The following DNM2 variants were observed in gnomAD, a reference collection of about 807,000 sequenced individuals.
The protein encoded by DNM2 is dynamin 2.
Under a neutral mutation model 99.0 loss-of-function variants are expected in DNM2, and 15 were observed. The observed-to-expected ratio is 0.15, with a 90% CI of 0.10 to 0.23. DNM2 has a LOEUF of 0.23. DNM2 is among the 10% of genes least tolerant of loss of function. DNM2 has a pLI of 1.00. For synonymous variants in DNM2, 525 were observed against 481.2 expected, an observed-to-expected ratio of 1.09 and a Z score of -1.19; for missense variants, 742 against 1,189.4, an observed-to-expected ratio of 0.62 and a Z score of 5.53.
rs8102648 is a variant in DNM2 at position 10,786,937 on chromosome 19, G to A, written c.992+231G>A. Among the ~76,000 whole-genome samples the A allele has an allele frequency of 0.94, 142,894 of 152,336 alleles. 67,264 individuals are homozygous for A. Among genetic ancestry groups the A allele is most frequent in the East Asian group, 1 (5,175 of 5,190 alleles). On this transcript the variant is annotated intron_variant, in intron 7 of 20. Transcript: ENST00000389253. ...TGCTCAGAATGGGGGGAAGTGGGAC[G>A]AATGGGACAAAAAACAAGAAAGAAA...
intron 11 of DNM2, among the ~76,000 whole-genome samples, chr19:10,800,099 C>G (rs1415689261): frequency 6.6e-6 from 1 of 151,806 alleles, no homozygotes; most frequent in African/African-American, 2.4e-5. Context: ...TCAAATGATC[C>G]ACCCACCTCA....
chr19:10,824,249 C>A (rs1410630651), intron 17 of DNM2: 1 of 339,022 alleles, frequency 2.9e-6, no homozygotes, highest in Non-Finnish European at 5.8e-6. Flanking sequence ...CCCCTGTAAT[C>A]CCAGCACTTT....
Position 10,765,853 on chromosome 19 carries a change from G to A in DNM2, c.235+6042G>A, listed in dbSNP as rs145266458. ...TCTCCTTGCCTTCAGGGCCAGCCTC[G>A]TCATTGTGTTCTTTGCTGGGGGAAC... On this transcript the variant is annotated intron_variant, in intron 2 of 20. Transcript: ENST00000389253. The surrounding 1 kb of genome is among the most constrained non-coding windows in gnomAD (Gnocchi z 4.4). Among the ~76,000 whole-genome samples, 12 of 152,276 alleles carry A rather than the reference G, an allele frequency of 7.9e-5. No homozygotes were observed. The East Asian group carries it at 2.1e-3, about 27-fold the overall frequency.
chr19:10,771,708 A>G (rs2070986184), intron 2 of DNM2, among the ~76,000 whole-genome samples: 1 of 152,086 alleles, frequency 6.6e-6, no homozygotes, highest in Non-Finnish European at 1.5e-5. Context: ...ACCTTAATCA[A>G]ATGGACTCAC....
At chr19:10,756,176 C>T (rs2070375527) in intron 1 of DNM2, among the ~76,000 whole-genome samples, 1 of 152,082 alleles carries the variant, frequency 6.6e-6, no homozygotes, top group African/African-American at 2.4e-5. Context: ...TGGGGTCTGT[C>T]ACCTGCATGG....
At chr19:10,824,948 G>A in intron 17 of DNM2, 109 bp from the exon 18 acceptor site, 2 of 1,573,226 alleles carry the variant, frequency 1.3e-6, no homozygotes, top group Non-Finnish European at 1.7e-6. Context: ...GCTGTCAGGG[G>A]CCAGCCTGAG....
chr19:10,777,378 A>T (rs939501553), intron 5 of DNM2, among the ~76,000 whole-genome samples, 162 bp downstream of exon 5: 2 of 151,628 alleles, frequency 1.3e-5, no homozygotes, highest in African/African-American at 4.9e-5. Flanking sequence ...TTTTCTTCTG[A>T]TTTGTATGCA....
At position 10,831,290 on chromosome 19, in the gene DNM2, GT is replaced by G; in HGVS notation, c.*244del. ...GGGGTGTTGCACTTTGGGGGATGGA[GT>G]CTCAGGGTGGCAGAGGGGGGACCAG... On this transcript the variant is annotated 3_prime_UTR_variant, in exon 21 of 21. Transcript: ENST00000389253. This position sits in a 1 kb window ranked among gnomAD's most constrained non-coding sequence, Gnocchi z 4.3. The G allele has an allele frequency of 7.8e-7, 1 of 1,288,572 alleles. No individual in the cohort carries two copies. The highest frequency in any genetic ancestry group is 9.8e-7 in the Non-Finnish European group (1 of 1,019,628). The allele number at this position is 1,288,572 out of a possible 1,614,324, so 79.8% of individuals were successfully genotyped here. A position where few individuals can be genotyped will look rare whatever the true frequency, so the allele number is the denominator to read the frequency against.
intron 15 of DNM2, among the ~76,000 whole-genome samples, chr19:10,815,040 T>C (rs1374589275): frequency 6.6e-6 from 1 of 152,174 alleles, no homozygotes; most frequent in South Asian, 2.1e-4. Context: ...ATGTGGGCAA[T>C]GGATTTGCGT....
intron 1 of DNM2, among the ~76,000 whole-genome samples, chr19:10,725,580 C>T (rs1356517960): frequency 6.6e-6 from 1 of 152,086 alleles, no homozygotes; most frequent in Non-Finnish European, 1.5e-5. Context: ...CTGCCACACA[C>T]CAAAAAAGTG....
intron 7 of DNM2, among the ~76,000 whole-genome samples, chr19:10,787,498 G>C (rs1339239902): frequency 6.6e-6 from 1 of 151,358 alleles, no homozygotes; most frequent in Non-Finnish European, 1.5e-5. Flanking sequence ...CAGGCACGGT[G>C]GCTCACGCCT....
rs1292280913 is a variant in DNM2 at position 10,811,140 on chromosome 19, C to T, written c.1558-1124C>T. 6.4e-6 allele frequency: 1 copy of T among 155,560 alleles called. No homozygotes were observed. The highest frequency in any genetic ancestry group is 2.4e-5 in the African/African-American group (1 of 41,464). The allele number at this position is 155,560 out of a possible 1,614,324, so 9.6% of individuals were successfully genotyped here. On this transcript the variant is annotated intron_variant, in intron 14 of 20. Transcript: ENST00000389253. This position sits in a 1 kb window ranked among gnomAD's most constrained non-coding sequence, Gnocchi z 5.4. ...GCCCGGTGGCATCTCATGCTGTCCC[C>T]AGCCTGGGCAGTGACTTCTGCATGG...
intron 2 of DNM2, among the ~76,000 whole-genome samples, chr19:10,762,117 A>C (rs1365228698): frequency 6.6e-6 from 1 of 152,012 alleles, no homozygotes; most frequent in Non-Finnish European, 1.5e-5. Flanking sequence ...ATCTTGGCTC[A>C]CTGCCACCTC....
intron 12 of DNM2, among the ~76,000 whole-genome samples, chr19:10,803,020 C>A (rs1238118086): frequency 6.6e-6 from 1 of 152,182 alleles, no homozygotes; most frequent in Non-Finnish European, 1.5e-5. Context: ...CGCTGGTATG[C>A]CCTCTCGCTG....
chr19:10,808,393 A>G (rs2072426358), intron 13 of DNM2, 176 bp from the exon 14 acceptor site: 1 of 599,224 alleles, frequency 1.7e-6, no homozygotes, highest in Non-Finnish European at 2.9e-6. Flanking sequence ...TAACACCATG[A>G]ATATGATTAA....
chr19:10,831,439 A>AT lies in DNM2; in HGVS notation c.*393dup, dbSNP rs2073345942. 3 of 1,011,932 alleles carry AT rather than the reference A, an allele frequency of 3.0e-6. No individual in the cohort carries two copies. In the African/African-American group the frequency reaches 5.2e-5, roughly 17 times the overall value. 62.7% of individuals were successfully genotyped at this position (1,011,932 alleles called of 1,614,324 possible). A position where few individuals can be genotyped will look rare whatever the true frequency, so the allele number is the denominator to read the frequency against. ...AAGTGCGGGCACCAAGGGCGCCTAC[A>AT]TCCCCAGGCCTTGCTGGGGTGCAGG... is the stretch of plus-strand genomic sequence containing the variant. On this transcript the variant is annotated 3_prime_UTR_variant, in exon 21 of 21. Transcript: ENST00000389253. This position sits in a 1 kb window ranked among gnomAD's most constrained non-coding sequence, Gnocchi z 4.3.
At chr19:10,803,972 C>G (rs1457100222) in intron 12 of DNM2, among the ~76,000 whole-genome samples, 1 of 152,128 alleles carries the variant, frequency 6.6e-6, no homozygotes, top group African/African-American at 2.4e-5. Context: ...GGAATGTGGC[C>G]TGGAGAGATC....
At chr19:10,744,579 C>G (rs918444742) in intron 1 of DNM2, among the ~76,000 whole-genome samples, 1 of 152,086 alleles carries the variant, frequency 6.6e-6, no homozygotes, top group Non-Finnish European at 1.5e-5. Context: ...GGGTGGTGCC[C>G]GGCTGCCTGC....
At chr19:10,774,728 CTTTT>C (rs34413054) in intron 3 of DNM2, among the ~76,000 whole-genome samples, 2 of 121,448 alleles carry the variant, frequency 1.6e-5, no homozygotes, top group African/African-American at 6.4e-5. Flanking sequence ...TTGGCCTATG[CTTTT>C]TTTTTTTTTT....
Sources: gnomAD v4.1 joint callset for allele counts (sites outside exome capture counted in the v4.1 genomes callset) on GRCh38, gnomAD v4.1.1 for gene constraint, Gnocchi (gnomAD v3.1) non-coding constraint, MANE v1.5 for transcripts, NCBI Gene and HGNC (gene_info 2026-07-23, HGNC 2026-07-21) for gene names.